ZNF280C: variants seen among roughly 807,000 people sequenced by gnomAD.
ZNF280C encodes suppressor of hairy wing homolog 3.
ZNF280C carries 14 observed loss-of-function variants against 53.6 expected under a neutral mutation model. The ratio of observed to expected loss-of-function variants is 0.26; its 90% confidence interval spans 0.17 to 0.41. The LOEUF (loss-of-function observed/expected upper bound fraction) is 0.41. Ranked by LOEUF, ZNF280C falls within the 10% of genes least tolerant of loss-of-function variation. ZNF280C has a pLI of 1.00. For missense variants in ZNF280C, 416 were observed against 547.1 expected (o/e 0.76, Z 2.39); for synonymous variants, 203 against 181.1 (o/e 1.12, Z -0.97).
chrX:130,246,601 T>C (rs975232839), intron 3 of ZNF280C, among the ~76,000 whole-genome samples: 3 of 112,362 alleles, frequency 2.7e-5, no homozygotes, highest in African/African-American at 6.5e-5. Context: ...CTTACAATGC[T>C]GTTCAGGTCA....
In ZNF280C at chrX:130,231,480, G is replaced by A. The variant is rs757955455; in HGVS notation, c.772-753C>T. ...AGAAACAAAAAACTAAATATCTTAT[G>A]TTCTCACTTATAAGTGGAAGCTTGT... On this transcript the variant is annotated intron_variant, in intron 8 of 18. Transcript: ENST00000370978. Among the ~76,000 whole-genome samples the A allele has an allele frequency of 3.6e-5, 4 of 111,908 alleles. No homozygotes were observed. In the South Asian group the frequency reaches 1.5e-3, roughly 42 times the overall value.
At chrX:130,244,752 T>C (rs2032431373) in intron 3 of ZNF280C, among the ~76,000 whole-genome samples, 1 of 92,595 alleles carries the variant, frequency 1.1e-5, no homozygotes, top group African/African-American at 4.2e-5. Context: ...CACTCCAGCC[T>C]GGGCGACAGA....
In ZNF280C at chrX:130,213,455, T is replaced by C. The variant is rs918859610; in HGVS notation, c.1979+1738A>G. Among the ~76,000 whole-genome samples, 30 of 112,135 alleles carry C rather than the reference T, an allele frequency of 2.7e-4. 2 individuals are homozygous for C. The highest frequency in any genetic ancestry group is 1.1e-4 in the Non-Finnish European group (6 of 53,226). Reference sequence around the variant, plus strand: ...TTAAAGATCATGAATTCAGAGCTGATTGAATCAAGCATGGTGTGGTAGTCT... The same window carrying C: ...TTAAAGATCATGAATTCAGAGCTGACTGAATCAAGCATGGTGTGGTAGTCT... On this transcript the variant is annotated intron_variant, in intron 15 of 18. Coordinates refer to ENST00000370978, the MANE Select transcript of ZNF280C (RefSeq NM_017666.5).
chrX:130,212,079 G>T (rs2032046838), intron 15 of ZNF280C, among the ~76,000 whole-genome samples: 1 of 111,411 alleles, frequency 9.0e-6, no homozygotes, highest in African/African-American at 3.3e-5. Context: ...AACTGCAAAA[G>T]GTGGACTCTC....
At chrX:130,268,322 C>T (rs2032711882) in intron 1 of ZNF280C, among the ~76,000 whole-genome samples, 1 of 111,322 alleles carries the variant, frequency 9.0e-6, no homozygotes, top group African/African-American at 3.3e-5. Flanking sequence ...TTCGGAATCC[C>T]CTCAAGTCTC....
chrX:130,205,677 G>A (rs1350445755), intron 16 of ZNF280C, among the ~76,000 whole-genome samples: 2 of 109,784 alleles, frequency 1.8e-5, no homozygotes, highest in Non-Finnish European at 3.8e-5. Flanking sequence ...TCAGGAGTTC[G>A]AGACCAGCCT....
chrX:130,263,212 A>G (rs1374756943), intron 1 of ZNF280C, among the ~76,000 whole-genome samples: 1 of 112,533 alleles, frequency 8.9e-6, no homozygotes, highest in Non-Finnish European at 1.9e-5. Context: ...ACTCCTAGAG[A>G]CAGACAATTG....
intron 1 of ZNF280C, among the ~76,000 whole-genome samples, chrX:130,266,686 AT>A (rs978557049): frequency 3.6e-5 from 4 of 112,107 alleles, no homozygotes; most frequent in Non-Finnish European, 7.5e-5. Flanking sequence ...TTTGCAGCAA[AT>A]GAATAAAGTC....
chrX:130,209,459 C>T (rs2032018283), intron 16 of ZNF280C, among the ~76,000 whole-genome samples, 194 bp downstream of exon 16: 1 of 111,786 alleles, frequency 8.9e-6, no homozygotes, highest in Non-Finnish European at 1.9e-5. Flanking sequence ...TTTACAAACG[C>T]AAATACATGA....
intron 13 of ZNF280C, among the ~76,000 whole-genome samples, chrX:130,219,238 C>A (rs1421150292): frequency 9.0e-6 from 1 of 110,930 alleles, no homozygotes; most frequent in Non-Finnish European, 1.9e-5. Context: ...TGTAACCCCA[C>A]ACTCTGGGAG....
chrX:130,248,442 A>C (rs2032472272), intron 2 of ZNF280C, among the ~76,000 whole-genome samples: 1 of 110,817 alleles, frequency 9.0e-6, no homozygotes, highest in East Asian at 2.9e-4. Flanking sequence ...TGCTTAGAGA[A>C]GTGGTAGAGG....
intron 8 of ZNF280C, among the ~76,000 whole-genome samples, chrX:130,235,604 T>C (rs1174900960): frequency 1.8e-5 from 2 of 112,421 alleles, no homozygotes; most frequent in African/African-American, 6.5e-5. Flanking sequence ...TACATAATGT[T>C]TATAAATTAT....
chrX:130,206,495 T>C (rs942413996), intron 16 of ZNF280C, among the ~76,000 whole-genome samples: 47 of 108,399 alleles, frequency 4.3e-4, no homozygotes, highest in Non-Finnish European at 6.5e-4. Context: ...GCCTTCCAAG[T>C]AGCTGGGACT....
chrX:130,221,972 CCTA>C (rs1284024163), intron 12 of ZNF280C, among the ~76,000 whole-genome samples: 1 of 111,274 alleles, frequency 9.0e-6, no homozygotes, highest in Non-Finnish European at 1.9e-5. Flanking sequence ...AATTTCATCT[CCTA>C]CTACTTTTCC....
At chrX:130,222,864 C>A (rs964831572) in intron 12 of ZNF280C, among the ~76,000 whole-genome samples, 2 of 111,070 alleles carry the variant, frequency 1.8e-5, no homozygotes, top group African/African-American at 6.6e-5. Flanking sequence ...CAGGGCTGGT[C>A]TCGAACTCCT....
In ZNF280C at chrX:130,236,303, G is replaced by A; in HGVS notation, c.682C>T (p.Pro228Ser). 1 of 1,200,969 alleles carries A rather than the reference G, an allele frequency of 8.3e-7. No individual in the cohort carries two copies. Among genetic ancestry groups the A allele is most frequent in the Non-Finnish European group, 1.1e-6 (1 of 889,208 alleles). The change falls in exon 8 of 19, where the codon CCA (proline) becomes TCA (serine). Residue 228 changes from proline (P) to serine (S), a missense_variant. Pro to Ser is a moderately conservative substitution (Grantham distance 74). This residue lies in a region of ZNF280C where 193 missense variants were observed against 201.4 expected (regional missense o/e 0.96). Transcript: ENST00000370978. ...AGGTAATCTGCTCCAGCATCATATG[G>A]AGATGAGGTATTTGTACCTACAATA... Reference protein sequence around the residue: ...MLSKGTNTSSPYDAGADYLRA... With the variant: ...MLSKGTNTSSSYDAGADYLRA...
At chrX:130,246,551 C>T (rs2032452471) in intron 3 of ZNF280C, among the ~76,000 whole-genome samples, 4 of 112,262 alleles carry the variant, frequency 3.6e-5, no homozygotes, top group African/African-American at 9.7e-5. Flanking sequence ...AAATAGGCTA[C>T]TTGGTTCCAT....
intron 2 of ZNF280C, among the ~76,000 whole-genome samples, chrX:130,257,624 T>C (rs925521279): frequency 9.0e-6 from 1 of 111,473 alleles, no homozygotes. Context: ...TTTCAGTTTT[T>C]TAGCTTGAAA....
In ZNF280C at chrX:130,205,284, T is replaced by C; in HGVS notation, c.2161+13A>G. 2 of 1,156,874 alleles carry C rather than the reference T, an allele frequency of 1.7e-6. No homozygotes were observed. The highest frequency in any genetic ancestry group is 2.3e-6 in the Non-Finnish European group (2 of 851,610). ...TATCAGAAAATCAAAGAAACACAAT[T>C]ATATATACGTACCATTCTCTATTAT... is the stretch of plus-strand genomic sequence containing the variant. On this transcript the variant is annotated intron_variant, in intron 17 of 18. Coordinates refer to ENST00000370978, the MANE Select transcript of ZNF280C (RefSeq NM_017666.5).
Sources: gnomAD v4.1 joint callset for allele counts (sites outside exome capture counted in the v4.1 genomes callset) on GRCh38, gnomAD v4.1.1 for gene constraint, gnomAD v4.1.1 regional missense constraint, MANE v1.5 for transcripts, NCBI Gene and HGNC (gene_info 2026-07-23, HGNC 2026-07-21) for gene names.